NEK10: variants seen among roughly 807,000 people sequenced by gnomAD.
NEK10 encodes NIMA related kinase 10, also known as serine/threonine-protein kinase Nek10.
Under a neutral mutation model 159.8 loss-of-function variants are expected in NEK10, and 122 were observed. The observed-to-expected ratio is 0.76, with a 90% CI of 0.66 to 0.89. The LOEUF is 0.89. NEK10 is among the 40% of genes least tolerant of loss of function. The pLI is 0.00. For synonymous variants in NEK10, 466 were observed against 457.1 expected (o/e 1.02, Z -0.25); for missense variants, 1,342 against 1,323.1 (o/e 1.01, Z -0.22).
intron 9 of NEK10, chr3:27,309,350 G>T (rs1329278863): frequency 6.4e-6 from 1 of 155,256 alleles, no homozygotes; most frequent in Admixed American, 6.5e-5. Context: ...CCATAGAATA[G>T]TGAAAAAAAT....
chr3:27,352,971 T>C (rs1430382493), intron 1 of NEK10, 52 bp from the exon 2 acceptor site: 2 of 822,588 alleles, frequency 2.4e-6, no homozygotes, highest in Non-Finnish European at 4.1e-6. Context: ...TGTGCCAAAA[T>C]ATTCTCAGTT....
At chr3:27,227,480 T>G (rs1396792542) in intron 23 of NEK10, among the ~76,000 whole-genome samples, 1 of 152,160 alleles carries the variant, frequency 6.6e-6, no homozygotes, top group Admixed American at 6.6e-5. Context: ...CAAACATTAA[T>G]TATAGTCAAA....
chr3:27,291,028 G>T (rs897358930), intron 18 of NEK10, among the ~76,000 whole-genome samples: 1 of 152,228 alleles, frequency 6.6e-6, no homozygotes, highest in Non-Finnish European at 1.5e-5. Context: ...GAATACCTTT[G>T]TGAGAGATTA....
At chr3:27,269,974 T>C (rs564522778) in intron 22 of NEK10, among the ~76,000 whole-genome samples, 16 of 152,334 alleles carry the variant, frequency 1.1e-4, no homozygotes, top group African/African-American at 2.9e-4. Flanking sequence ...TCTCATCACC[T>C]CCACTGAAGT....
intron 30 of NEK10, among the ~76,000 whole-genome samples, chr3:27,154,178 A>T (rs2103019): frequency 0.99 from 150,520 of 152,286 alleles, 74,387 homozygotes; most frequent in East Asian, 1. Flanking sequence ...AACACCTTTA[A>T]GAATATAAAC....
intron 29 of NEK10, among the ~76,000 whole-genome samples, chr3:27,168,883 G>GT (rs1946708287): frequency 6.6e-6 from 1 of 152,124 alleles, no homozygotes; most frequent in African/African-American, 2.4e-5. Context: ...CTATACCCCT[G>GT]TTTCAATGAT....
intron 30 of NEK10, among the ~76,000 whole-genome samples, chr3:27,147,088 T>A (rs903578875): frequency 6.6e-6 from 1 of 152,214 alleles, no homozygotes; most frequent in African/African-American, 2.4e-5. Context: ...AATATGGTTT[T>A]CAGAAAGTCA....
rs1256167397 is a variant in NEK10 at position 27,352,495 on chromosome 3, G to A, written c.102C>T (p.Cys34=). 1 of 1,611,242 alleles carries A rather than the reference G, an allele frequency of 6.2e-7. No homozygotes were observed. The highest frequency in any genetic ancestry group is 8.5e-7 in the Non-Finnish European group (1 of 1,177,630). Residue 34 remains cysteine, a synonymous_variant, in exon 3 of 36, where the codon TGC becomes TGT. Coordinates refer to ENST00000691995, the MANE Select transcript of NEK10 (RefSeq NM_001394966.1). ...GTTTGCTTGATTGGACGTTCAAAAG[G>A]CACCGAAGTCTTTTAAGATCTGAAT... The part of the protein sequence containing the change: ...RDYSDLKRLR[C]LLNVQSSKQQ...
Position 27,287,721 on chromosome 3 carries a change from C to A in NEK10, c.1766G>T (p.Arg589Leu). 1 of 1,563,558 alleles carries A rather than the reference C, an allele frequency of 6.4e-7. No homozygotes were observed. The highest frequency in any genetic ancestry group is 1.2e-5 in the South Asian group (1 of 82,316). ...ACTTTCCAGAAATGTTTTGTAATAA[C>A]GTACAATGTTGGGATGATAAAGCTA... The part of the protein sequence containing the change: ...KEQLYHPNIV[R>L]YYKTFLENDR... The change falls in exon 20 of 36, where the codon CGT becomes CTT. Residue 589 changes from arginine to leucine, a missense_variant. By Grantham distance (102) the Arg-to-Leu change is moderately radical (BLOSUM62 -2). Coordinates refer to ENST00000691995, the MANE Select transcript of NEK10 (RefSeq NM_001394966.1).
intron 1 of NEK10, among the ~76,000 whole-genome samples, chr3:27,365,760 G>A (rs946399555): frequency 3.3e-5 from 5 of 151,598 alleles, no homozygotes; most frequent in African/African-American, 1.2e-4. Context: ...TTACCAGCAC[G>A]CGTCACCACA....
intron 23 of NEK10, among the ~76,000 whole-genome samples, chr3:27,235,743 C>T (rs1158095598): frequency 6.6e-6 from 1 of 152,094 alleles, no homozygotes; most frequent in Non-Finnish European, 1.5e-5. Context: ...CCATTCGACC[C>T]AGCAATTCCA....
intron 23 of NEK10, among the ~76,000 whole-genome samples, chr3:27,223,170 T>G (rs564155373): frequency 5.3e-5 from 8 of 152,344 alleles, no homozygotes; most frequent in Admixed American, 2.0e-4. Flanking sequence ...TGTTTGAAGC[T>G]GGGAGCTGCA....
chr3:27,147,473 G>A (rs990146134), intron 30 of NEK10, among the ~76,000 whole-genome samples: 1 of 152,210 alleles, frequency 6.6e-6, no homozygotes, highest in African/African-American at 2.4e-5. Context: ...GCAGGAAGCT[G>A]AGTCAAAGCA....
At chr3:27,303,329 C>T (rs771430209) in intron 12 of NEK10, among the ~76,000 whole-genome samples, 3 of 152,120 alleles carry the variant, frequency 2.0e-5, no homozygotes, top group African/African-American at 4.8e-5. Flanking sequence ...CTTTGAAATT[C>T]TGCTTAACTA....
At chr3:27,273,374 T>C (rs920583468) in intron 22 of NEK10, among the ~76,000 whole-genome samples, 2 of 152,192 alleles carry the variant, frequency 1.3e-5, no homozygotes, top group African/African-American at 4.8e-5. Context: ...AGAGACTTGG[T>C]TAAGAGATGA....
chr3:27,185,272 T>C (rs1948507423), intron 26 of NEK10, among the ~76,000 whole-genome samples: 1 of 152,218 alleles, frequency 6.6e-6, no homozygotes, highest in Non-Finnish European at 1.5e-5. Flanking sequence ...GAATCTTTTT[T>C]TAGATTCACC....
chr3:27,319,744 T>C (rs1427793973), intron 6 of NEK10, among the ~76,000 whole-genome samples: 1 of 92,746 alleles, frequency 1.1e-5, no homozygotes, highest in African/African-American at 3.0e-5. Flanking sequence ...GGAAGTAGAG[T>C]TGCGGGATAA....
chr3:27,345,904 A>G (rs891154633), intron 4 of NEK10, among the ~76,000 whole-genome samples, 182 bp downstream of exon 4: 5 of 152,140 alleles, frequency 3.3e-5, no homozygotes, highest in African/African-American at 4.8e-5. Context: ...TACCCATTAA[A>G]CCTGTTATTT....
At position 27,108,577 on chromosome 3, in the gene NEK10, TCA is replaced by T. The variant is rs1201820098; in HGVS notation, c.*2693_*2694del. ...TTCATATTCTATTCCATGCAAATAT[TCA>T]GTTACGGAAATTAGGTGCATTCATA... On this transcript the variant is annotated 3_prime_UTR_variant, in exon 36 of 36. Coordinates refer to ENST00000691995, the MANE Select transcript of NEK10 (RefSeq NM_001394966.1). Among the ~76,000 whole-genome samples, 1 of 152,216 alleles carries T rather than the reference TCA, an allele frequency of 6.6e-6. No individual in the cohort carries two copies. Among genetic ancestry groups the T allele is most frequent in the Non-Finnish European group, 1.5e-5 (1 of 68,030 alleles).
Sources: allele counts gnomAD v4.1 joint callset (sites outside exome capture counted in the v4.1 genomes callset), GRCh38; gene constraint gnomAD v4.1.1; transcripts MANE v1.5; gene names NCBI Gene and HGNC (gene_info 2026-07-23, HGNC 2026-07-21).